The following IQGAP2 variants were observed in gnomAD, a reference collection of about 807,000 sequenced individuals.
IQGAP2 encodes IQ motif containing GTPase activating protein 2.
A neutral mutation model predicts 201.3 loss-of-function variants in IQGAP2; 173 were observed. The observed-to-expected ratio is 0.86, with a 90% CI of 0.76 to 0.98. IQGAP2 has a LOEUF of 0.98. Among genes scored for constraint, IQGAP2 ranks in the 50% least tolerant of loss-of-function variants. The pLI is 0.00. For synonymous variants in IQGAP2, 675 were observed against 673.9 expected (o/e 1.00, Z -0.03); for missense variants, 1,687 against 1,864.8 (o/e 0.90, Z 1.76).
intron 5 of IQGAP2, among the ~76,000 whole-genome samples, chr5:76,581,160 C>T (rs557419816): frequency 6.6e-6 from 1 of 152,302 alleles, no homozygotes; most frequent in East Asian, 1.9e-4. Context: ...CTAGCCAGCT[C>T]CCACACAGCC....
intron 9 of IQGAP2, among the ~76,000 whole-genome samples, chr5:76,595,243 C>CTTTTTTT (rs1180358517): frequency 2.0e-4 from 7 of 35,300 alleles, no homozygotes; most frequent in Non-Finnish European, 2.6e-4. Context: ...CATTTCTTTG[C>CTTTTTTT]TTTTTTTTTT....
At position 76,654,288 on chromosome 5, in the gene IQGAP2, T is replaced by A; in HGVS notation, c.2250+17T>A. ...AGAGATCATGTAAGAAAAATGCCTG[T>A]GGGATTTTATCCAGGTTGATAATGA... On this transcript the variant is annotated intron_variant, in intron 19 of 35. Transcript: ENST00000274364. 1 of 1,533,796 alleles carries A rather than the reference T, an allele frequency of 6.5e-7. No individual in the cohort carries two copies. The highest frequency in any genetic ancestry group is 9.0e-7 in the Non-Finnish European group (1 of 1,115,314).
At chr5:76,643,616 T>C (rs902989117) in intron 17 of IQGAP2, among the ~76,000 whole-genome samples, 3 of 152,032 alleles carry the variant, frequency 2.0e-5, no homozygotes, top group Non-Finnish European at 4.4e-5. Flanking sequence ...AAAAATGAAA[T>C]AGGATTAGAG....
At chr5:76,478,051 T>C (rs1416310649) in intron 2 of IQGAP2, among the ~76,000 whole-genome samples, 1 of 152,236 alleles carries the variant, frequency 6.6e-6, no homozygotes, top group Admixed American at 6.5e-5. Flanking sequence ...TAATTTATTA[T>C]TGAAGAAAGA....
In IQGAP2 at chr5:76,416,778, G is replaced by A. The variant is rs567166893; in HGVS notation, c.46+13187G>A. On this transcript the variant is annotated intron_variant, in intron 1 of 35. Coordinates refer to ENST00000274364, the MANE Select transcript of IQGAP2 (RefSeq NM_006633.5). ...CCTGACCTCGTGATCCGCCCACCTC[G>A]GCTTCCCAAAGTCCTGGGATTACAG... is the stretch of plus-strand genomic sequence containing the variant. Among the ~76,000 whole-genome samples, 10 of 151,858 alleles carry A rather than the reference G, an allele frequency of 6.6e-5. No homozygotes were observed. In the East Asian group the frequency reaches 1.2e-3, roughly 18 times the overall value.
intron 2 of IQGAP2, among the ~76,000 whole-genome samples, chr5:76,503,174 C>CTTTTTTTT (rs11297908): frequency 3.1e-4 from 34 of 109,342 alleles, no homozygotes; most frequent in Non-Finnish European, 4.1e-4. Flanking sequence ...CTTTTCTTTT[C>CTTTTTTTT]TTTTTTTTTT....
chr5:76,591,608 TTCTC>T (rs1561490105), intron 8 of IQGAP2, among the ~76,000 whole-genome samples: 2 of 152,210 alleles, frequency 1.3e-5, no homozygotes, highest in Non-Finnish European at 2.9e-5. Flanking sequence ...TACCTTGAGA[TTCTC>T]TGCTTCACTA....
At chr5:76,688,032 C>T (rs897864839) in intron 30 of IQGAP2, among the ~76,000 whole-genome samples, 1 of 152,132 alleles carries the variant, frequency 6.6e-6, no homozygotes, top group Admixed American at 6.5e-5. Context: ...TTTGAACTCT[C>T]ATGAGGATGA....
intron 11 of IQGAP2, among the ~76,000 whole-genome samples, chr5:76,602,063 G>A (rs1232422299): frequency 3.3e-5 from 5 of 152,074 alleles, no homozygotes; most frequent in Admixed American, 6.5e-5. Flanking sequence ...GCCCTCAGCC[G>A]GGCACCCTCG....
intron 2 of IQGAP2, among the ~76,000 whole-genome samples, chr5:76,543,244 G>A (rs989555689): frequency 9.2e-5 from 14 of 152,254 alleles, no homozygotes; most frequent in African/African-American, 3.1e-4. Context: ...ACTCAAGAAC[G>A]CCAGAGTGGA....
At chr5:76,472,225 A>G (rs1484930680) in intron 2 of IQGAP2, among the ~76,000 whole-genome samples, 1 of 152,190 alleles carries the variant, frequency 6.6e-6, no homozygotes, top group Non-Finnish European at 1.5e-5. Context: ...GCAGGGAGAG[A>G]GTAACTTGTG....
chr5:76,549,912 A>C (rs752547603), intron 2 of IQGAP2, among the ~76,000 whole-genome samples: 1 of 152,184 alleles, frequency 6.6e-6, no homozygotes, highest in African/African-American at 2.4e-5. Flanking sequence ...AGGGGAACAC[A>C]GTTCTGACCA....
At chr5:76,675,534 T>C (rs1744732101) in intron 27 of IQGAP2, among the ~76,000 whole-genome samples, 1 of 152,234 alleles carries the variant, frequency 6.6e-6, no homozygotes, top group Non-Finnish European at 1.5e-5. Context: ...TCACTAATCA[T>C]TAACAAGAAA....
At chr5:76,423,433 C>T (rs1191854956) in intron 1 of IQGAP2, among the ~76,000 whole-genome samples, 1 of 152,126 alleles carries the variant, frequency 6.6e-6, no homozygotes, top group African/African-American at 2.4e-5. Flanking sequence ...CCAGCCTGGC[C>T]AAGGTGGTGA....
intron 1 of IQGAP2, among the ~76,000 whole-genome samples, chr5:76,416,116 C>G (rs1156423370): frequency 6.6e-6 from 1 of 152,150 alleles, no homozygotes; most frequent in African/African-American, 2.4e-5. Flanking sequence ...CTACTCATGA[C>G]CATTCCTTCA....
In IQGAP2 at chr5:76,516,352, C is replaced by G. The variant is rs1758321630; in HGVS notation, c.147-46044C>G. Among the ~76,000 whole-genome samples, 7 of 152,066 alleles carry G rather than the reference C, an allele frequency of 4.6e-5. 1 individual carries two copies. Among genetic ancestry groups the G allele is most frequent in the Admixed American group, 4.6e-4 (7 of 15,260 alleles). On this transcript the variant is annotated intron_variant, in intron 2 of 35. Transcript: ENST00000274364. Reference sequence around the variant, plus strand: ...ACTGTTTTGAGGAAAGATAAGCATCCTATTAAGATTTCAGGTGGACATACT... The same window carrying G: ...ACTGTTTTGAGGAAAGATAAGCATCGTATTAAGATTTCAGGTGGACATACT...
chr5:76,438,015 TTTTTTTTTTTTTTTTG>T (rs1752803501), intron 1 of IQGAP2, among the ~76,000 whole-genome samples: 2 of 57,812 alleles, frequency 3.5e-5, no homozygotes, highest in Admixed American at 1.8e-4. Context: ...GTAGTTTTTT[TTTTTTTTTTTTTTTTG>T]TTTGTTTTTT....
At chr5:76,504,881 C>G (rs924266199) in intron 2 of IQGAP2, among the ~76,000 whole-genome samples, 7 of 152,136 alleles carry the variant, frequency 4.6e-5, no homozygotes, top group African/African-American at 1.7e-4. Flanking sequence ...TAGCCCTGGC[C>G]TCACTCACTA....
intron 28 of IQGAP2, among the ~76,000 whole-genome samples, chr5:76,680,141 G>T (rs1324312751): frequency 6.6e-6 from 1 of 152,186 alleles, no homozygotes; most frequent in Admixed American, 6.5e-5. Flanking sequence ...CTGGCATAAG[G>T]TTAGACATAA....
Sources: gnomAD v4.1 joint callset for allele counts (sites outside exome capture counted in the v4.1 genomes callset) on GRCh38, gnomAD v4.1.1 for gene constraint, MANE v1.5 for transcripts, NCBI Gene and HGNC (gene_info 2026-07-23, HGNC 2026-07-21) for gene names.